IL12RB1: variants seen among roughly 807,000 people sequenced by gnomAD.
IL12RB1 encodes interleukin 12 receptor subunit beta 1, also known as interleukin-12 receptor subunit beta-1.
In IL12RB1, 64 loss-of-function variants were observed where a neutral mutation model predicts 94.4. The observed-to-expected ratio is 0.68, with a 90% CI of 0.55 to 0.83. The LOEUF is 0.83. Among genes scored for constraint, IL12RB1 ranks in the 40% least tolerant of loss-of-function variants. The probability of loss-of-function intolerance (pLI) is 0.00; values close to 1 mark genes in which losing one functional copy is unlikely to be tolerated. For missense variants in IL12RB1, 814 were observed against 855.6 expected (o/e 0.95, Z 0.61); for synonymous variants, 362 against 355.5 (o/e 1.02, Z -0.21).
At position 18,080,524 on chromosome 19, in the gene IL12RB1, AC is replaced by A. The variant is rs1816592545; in HGVS notation, c.409+307del. Among the ~76,000 whole-genome samples, 3 of 152,272 alleles carry A rather than the reference AC, an allele frequency of 2.0e-5. No homozygotes were observed. The South Asian group carries it at 6.2e-4, about 32-fold the overall frequency. ...AGTGCTGGGATTACAGGCGTGATCC[AC>A]CGCACCCGGCAAAATACATGATGTC... On this transcript the variant is annotated intron_variant, in intron 4 of 16. Coordinates refer to ENST00000593993, the MANE Select transcript of IL12RB1 (RefSeq NM_005535.3).
rs146989235 is a variant in IL12RB1 at position 18,059,482 on chromosome 19, A to G, written c.*126T>C. On this transcript the variant is annotated 3_prime_UTR_variant, in exon 17 of 17. Transcript: ENST00000593993. ...CCCCGCAGGATGGGTGGCAACAGGC[A>G]CGGGGCAGAGAGGAGGCAGGTGCAC... The G allele has an allele frequency of 1.3e-3, 911 of 721,034 alleles. 9 individuals are homozygous for G. The African/African-American group carries it at 0.014, about 11-fold the overall frequency. The allele number at this position is 721,034 out of a possible 1,614,324, so 44.7% of individuals were successfully genotyped here.
At chr19:18,062,794 G>A (rs2034243987) in intron 13 of IL12RB1, among the ~76,000 whole-genome samples, 1 of 151,902 alleles carries the variant, frequency 6.6e-6, no homozygotes, top group African/African-American at 2.4e-5. Flanking sequence ...AAAAGACTCT[G>A]TAATTCCAGG....
chr19:18,060,792 A>G (rs899659729), intron 15 of IL12RB1, among the ~76,000 whole-genome samples: 3 of 152,122 alleles, frequency 2.0e-5, no homozygotes, highest in African/African-American at 7.2e-5. Context: ...CCTGCTTCCA[A>G]TCAGAGAAGG....
Position 18,065,758 on chromosome 19 carries a change from G to T in IL12RB1, c.1483+784C>A, listed in dbSNP as rs555020699. Among the ~76,000 whole-genome samples, 19 of 152,222 alleles carry T rather than the reference G, an allele frequency of 1.2e-4. 1 individual carries two copies. The East Asian group carries it at 3.7e-3, about 29-fold the overall frequency. ...TGCCTGAACCCGGGAGGCAGAGGTT[G>T]CAGTGAGCTGAGATGGCGCCACTGC... On this transcript the variant is annotated intron_variant, in intron 12 of 16. Transcript: ENST00000593993.
chr19:18,094,354 C>T (rs1450660518), intron 1 of IL12RB1, among the ~76,000 whole-genome samples: 1 of 152,044 alleles, frequency 6.6e-6, no homozygotes, highest in Non-Finnish European at 1.5e-5. Context: ...GTCTCAAACT[C>T]CTGACCTCAG....
At chr19:18,061,863 A>AAAAAAGAAAAAG (rs1244497358) in intron 14 of IL12RB1, among the ~76,000 whole-genome samples, 30 of 46,456 alleles carry the variant, frequency 6.5e-4, no homozygotes, top group African/African-American at 2.6e-3. Context: ...ACTCCATCTC[A>AAAAAAGAAAAAG]AAAAAGAAAA....
rs140770932 is a variant in IL12RB1, at chr19:18,082,210, T to C, written c.179A>G (p.Tyr60Cys). Residue 60 changes from tyrosine to cysteine, a missense_variant, in exon 3 of 17, where the codon TAC becomes TGC. Physicochemically the swap from Tyr to Cys is radical, Grantham distance 194 (BLOSUM62 -2). Transcript: ENST00000593993. ...LRCYRISSDR[Y>C]ECSWQYEGPT... ...ACCCTCATACTGCCAGGAGCACTCG[T>C]AACGATCACTGGATATCCGATAGCA... The C allele has an allele frequency of 7.4e-6, 12 of 1,613,820 alleles. No homozygotes were observed. In the African/African-American group the frequency reaches 1.5e-4, roughly 20 times the overall value.
intron 12 of IL12RB1, 57 bp downstream of exon 12, chr19:18,066,485 A>C (rs2034590162): frequency 3.2e-6 from 4 of 1,262,846 alleles, no homozygotes; most frequent in Non-Finnish European, 4.6e-6. Flanking sequence ...AGCAAGAGAG[A>C]TCACAGGCCA....
At chr19:18,063,757 T>C in intron 13 of IL12RB1, 119 bp downstream of exon 13, 2 of 897,012 alleles carry the variant, frequency 2.2e-6, no homozygotes, top group Middle Eastern at 3.2e-4. Context: ...TACTTTCTCC[T>C]GAGGGCAGTA....
At position 18,063,889 on chromosome 19, in the gene IL12RB1, C is replaced by T. The variant is rs758633561; in HGVS notation, c.1605G>A (p.Gln535=). The change falls in exon 13 of 17, where the codon CAG becomes CAA. Residue 535 remains glutamine, a synonymous_variant. Transcript: ENST00000593993. ...AWLRGVWSQP[Q]RFSIEVQVSD... ...CCCTCCACTCACCGATGCTGAAGCG[C>T]TGGGGCTGGCTCCAGACACCCCTCA... is the stretch of plus-strand genomic sequence containing the variant. 2 of 1,613,442 alleles carry T rather than the reference C, an allele frequency of 1.2e-6. No homozygotes were observed. Among genetic ancestry groups the T allele is most frequent in the Admixed American group, 3.3e-5 (2 of 59,932 alleles).
At chr19:18,089,042 A>C (rs2036516543), upstream of IL12RB1, among the ~76,000 whole-genome samples, 2 of 151,666 alleles carry the variant, frequency 1.3e-5, no homozygotes, top group South Asian at 2.1e-4. Flanking sequence ...AAAAAAAAAA[A>C]ACACACATAC....
chr19:18,076,768 C>A (rs1417635613), intron 5 of IL12RB1, among the ~76,000 whole-genome samples: 1 of 152,078 alleles, frequency 6.6e-6, no homozygotes, highest in Admixed American at 6.6e-5. Context: ...TACTAGAGAA[C>A]CTTCTCTAGG....
intron 16 of IL12RB1, 50 bp downstream of exon 16, chr19:18,059,844 C>T: frequency 9.2e-7 from 1 of 1,092,726 alleles, no homozygotes; most frequent in Non-Finnish European, 1.4e-6. Context: ...CCCCCCCACC[C>T]CCCGGGCAGG....
Position 18,074,843 on chromosome 19 carries a change from A to C in IL12RB1, c.700+906T>G, listed in dbSNP as rs443884. On this transcript the variant is annotated intron_variant, in intron 7 of 16. Transcript: ENST00000593993. ...GAGGAGGGCAGATCACGAGGTCAGG[A>C]GATTGAGACCATCCTGGCTAACATG... Among the ~76,000 whole-genome samples, 915 of 152,176 alleles carry C rather than the reference A, an allele frequency of 6.0e-3. 10 individuals are homozygous for C. Among genetic ancestry groups the C allele is most frequent in the African/African-American group, 0.021 (868 of 41,532 alleles).
At chr19:18,096,527 T>G (rs1343361719) in intron 1 of IL12RB1, among the ~76,000 whole-genome samples, 5 of 152,110 alleles carry the variant, frequency 3.3e-5, no homozygotes, top group Non-Finnish European at 5.9e-5. Context: ...TGATCATGTC[T>G]TAAGAGTTTT....
At chr19:18,097,870 C>T in intron 1 of IL12RB1, 2 of 1,222,136 alleles carry the variant, frequency 1.6e-6, no homozygotes, top group African/African-American at 1.6e-5. Flanking sequence ...GCAGAGGGCG[C>T]GGCCAAGTGG....
chr19:18,081,404 C>A (rs1445908583), intron 3 of IL12RB1, among the ~76,000 whole-genome samples: 1 of 151,684 alleles, frequency 6.6e-6, no homozygotes, highest in Non-Finnish European at 1.5e-5. Flanking sequence ...CCCCCAGCAT[C>A]CTTTTCTGTC....
At chr19:18,084,961 C>G (rs1283306811) in intron 1 of IL12RB1, among the ~76,000 whole-genome samples, 3 of 152,216 alleles carry the variant, frequency 2.0e-5, no homozygotes, top group Non-Finnish European at 4.4e-5. Flanking sequence ...CAGGGAGAGG[C>G]CTGCCAGGGC....
rs182660189 is a variant in IL12RB1 at position 18,061,113 on chromosome 19, C to T, written c.1791+9G>A. ...TAAAAAGACTTGGAATTAGAAAAGGCATCCTTACCTCCTTCCCTCCAGGGA... is the reference window on the plus strand; with the variant it reads ...TAAAAAGACTTGGAATTAGAAAAGGTATCCTTACCTCCTTCCCTCCAGGGA... On this transcript the variant is annotated intron_variant, in intron 15 of 16. Coordinates refer to ENST00000593993, the MANE Select transcript of IL12RB1 (RefSeq NM_005535.3). 6.4e-5 allele frequency: 95 copies of T among 1,486,852 alleles called. No individual in the cohort carries two copies. Among genetic ancestry groups the T allele is most frequent in the African/African-American group, 6.3e-4 (46 of 72,610 alleles). The allele number at this position is 1,486,852 out of a possible 1,614,324, so 92.1% of individuals were successfully genotyped here.
Sources: gnomAD v4.1 joint callset for allele counts (sites outside exome capture counted in the v4.1 genomes callset) on GRCh38, gnomAD v4.1.1 for gene constraint, MANE v1.5 for transcripts, NCBI Gene and HGNC (gene_info 2026-07-23, HGNC 2026-07-21) for gene names.